The following ENPP1 variants were observed in gnomAD, a reference collection of about 807,000 sequenced individuals.
The protein encoded by ENPP1 is ectonucleotide pyrophosphatase/phosphodiesterase family member 1.
A neutral mutation model predicts 122.8 loss-of-function variants in ENPP1; 73 were observed. The ratio of observed to expected loss-of-function variants is 0.59; its 90% CI spans 0.49 to 0.72. The LOEUF is 0.72. Among genes scored for constraint, ENPP1 ranks in the 30% least tolerant of loss-of-function variants. ENPP1 has a pLI of 0.00. For missense variants in ENPP1, 978 were observed against 1,128.1 expected, an observed-to-expected ratio of 0.87 and a Z score of 1.91; for synonymous variants, 367 against 391.6, an observed-to-expected ratio of 0.94 and a Z score of 0.74.
Position 131,860,442 on chromosome 6 carries a change from T to A in ENPP1, c.851T>A (p.Met284Lys). 1.9e-6 allele frequency: 3 copies of A among 1,584,540 alleles called. No homozygotes were observed. Among genetic ancestry groups the A allele is most frequent in the Non-Finnish European group, 2.6e-6 (3 of 1,153,560 alleles). Reference sequence around the variant, plus strand: ...GACAATAAAATGTATGATCCCAAAATGAATGCTTCCTTTTCACTTAAAAGT... The same window carrying A: ...GACAATAAAATGTATGATCCCAAAAAGAATGCTTCCTTTTCACTTAAAAGT... ...IIDNKMYDPK[M>K]NASFSLKSKE... is the part of the protein sequence containing the mutation. The change falls in exon 8 of 25, where the codon ATG becomes AAG. Residue 284 changes from methionine to lysine, a missense_variant. By Grantham distance (95) the Met-to-Lys change is moderately conservative. This residue lies in a region of ENPP1 where 644 missense variants were observed against 781.5 expected (regional missense o/e 0.82). Coordinates refer to ENST00000647893, the MANE Select transcript of ENPP1 (RefSeq NM_006208.3).
At chr6:131,862,712 G>A (rs889447168) in intron 9 of ENPP1, among the ~76,000 whole-genome samples, 1 of 152,270 alleles carries the variant, frequency 6.6e-6, no homozygotes, top group South Asian at 2.1e-4. Flanking sequence ...TGCAGGGCAT[G>A]GTCTGGTAAA....
chr6:131,860,453 T>C lies in ENPP1; in HGVS notation c.862T>C (p.Phe288Leu). Residue 288 changes from phenylalanine (F) to leucine (L), a missense_variant, in exon 8 of 25, where the codon TTT becomes CTT. Phe to Leu is a conservative substitution (Grantham distance 22). Coordinates refer to ENST00000647893, the MANE Select transcript of ENPP1 (RefSeq NM_006208.3). ...KMYDPKMNAS[F>L]SLKSKEKFNP... ...GTATGATCCCAAAATGAATGCTTCC[T>C]TTTCACTTAAAAGTAAAGAGAAATT... The C allele has an allele frequency of 6.3e-7, 1 of 1,596,466 alleles. No individual in the cohort carries two copies. The highest frequency in any genetic ancestry group is 8.6e-7 in the Non-Finnish European group (1 of 1,164,548).
At chr6:131,873,315 G>A (rs1337284523) in intron 15 of ENPP1, among the ~76,000 whole-genome samples, 3 of 152,072 alleles carry the variant, frequency 2.0e-5, no homozygotes, top group Admixed American at 6.6e-5. Flanking sequence ...CTTCTGTAAT[G>A]TGACAACCAA....
intron 1 of ENPP1, among the ~76,000 whole-genome samples, chr6:131,814,182 A>G (rs889917139): frequency 1.1e-4 from 16 of 152,184 alleles, no homozygotes; most frequent in African/African-American, 3.4e-4. Flanking sequence ...CATAGAGGCT[A>G]ATGCCTGAAA....
chr6:131,817,851 A>G (rs111400344), intron 1 of ENPP1, among the ~76,000 whole-genome samples: 3,537 of 151,998 alleles, frequency 0.023, 70 homozygotes, highest in Admixed American at 0.046. Context: ...ATCATTTTGG[A>G]GGAAGTAAAT....
chr6:131,852,166 A>G lies in ENPP1; in HGVS notation c.557-9A>G. 6.4e-7 allele frequency: 1 copy of G among 1,574,044 alleles called. No individual in the cohort carries two copies. Among genetic ancestry groups the G allele is most frequent in the Non-Finnish European group, 8.7e-7 (1 of 1,145,850 alleles). ...GTGTGTTCATTTTATTTTCTTGAAA[A>G]TATTTTAGGTGAGAAAAGTTGGGTA... On this transcript the variant is annotated splice_polypyrimidine_tract_variant and intron_variant, in intron 4 of 24. Coordinates refer to ENST00000647893, the MANE Select transcript of ENPP1 (RefSeq NM_006208.3).
At chr6:131,856,260 T>A (rs903130904) in intron 6 of ENPP1, among the ~76,000 whole-genome samples, 17 of 152,208 alleles carry the variant, frequency 1.1e-4, no homozygotes, top group Admixed American at 9.8e-4. Flanking sequence ...CATTTTTTCA[T>A]GTGTTTTTTG....
chr6:131,819,513 C>T (rs1188128880), intron 1 of ENPP1, among the ~76,000 whole-genome samples: 1 of 152,170 alleles, frequency 6.6e-6, no homozygotes, highest in African/African-American at 2.4e-5. Flanking sequence ...AAGATGAGTT[C>T]ATTTTGCAAC....
chr6:131,829,797 C>T lies in ENPP1; in HGVS notation c.241-17979C>T, dbSNP rs368903452. Among the ~76,000 whole-genome samples the T allele has an allele frequency of 7.3e-4, 111 of 152,272 alleles. 3 individuals carry two copies. The South Asian group carries it at 0.021, about 29-fold the overall frequency. ...AACCAGAGCTTGGGAGCTAGGGCTTCGCTGTAGCAGCTGGGACCCTGGGCA... is the reference window on the plus strand; with the variant it reads ...AACCAGAGCTTGGGAGCTAGGGCTTTGCTGTAGCAGCTGGGACCCTGGGCA... On this transcript the variant is annotated intron_variant, in intron 1 of 24. Coordinates refer to ENST00000647893, the MANE Select transcript of ENPP1 (RefSeq NM_006208.3).
chr6:131,882,233 C>G, intron 20 of ENPP1, 112 bp from the exon 21 acceptor site: 1 of 860,500 alleles, frequency 1.2e-6, no homozygotes, highest in East Asian at 2.8e-5. Context: ...AGGACATGAG[C>G]TGACAGCTAG....
intron 1 of ENPP1, among the ~76,000 whole-genome samples, chr6:131,810,449 C>CA (rs34029172): frequency 9.8e-6 from 1 of 102,116 alleles, no homozygotes; most frequent in African/African-American, 4.3e-5. Context: ...CCCAACCCCG[C>CA]CCCCCCCCCA....
At chr6:131,849,715 C>T (rs879877142) in intron 2 of ENPP1, among the ~76,000 whole-genome samples, 1 of 152,118 alleles carries the variant, frequency 6.6e-6, no homozygotes, top group African/African-American at 2.4e-5. Context: ...TCTTATCAGA[C>T]CCAGTAACGT....
intron 1 of ENPP1, among the ~76,000 whole-genome samples, chr6:131,835,001 CTT>C (rs769778879): frequency 2.6e-5 from 4 of 152,282 alleles, no homozygotes; most frequent in South Asian, 2.1e-4. Flanking sequence ...TAGTCCAACT[CTT>C]TTTGTTTATT....
chr6:131,818,970 A>C (rs940499812), intron 1 of ENPP1, among the ~76,000 whole-genome samples: 1 of 152,244 alleles, frequency 6.6e-6, no homozygotes, highest in Admixed American at 6.5e-5. Flanking sequence ...TCAGCTGTCT[A>C]TGATAAAATC....
chr6:131,886,032 G>T (rs1782373105), intron 23 of ENPP1, among the ~76,000 whole-genome samples: 1 of 152,162 alleles, frequency 6.6e-6, no homozygotes, highest in Non-Finnish European at 1.5e-5. Flanking sequence ...TGACTATGAG[G>T]TAAAGATGTT....
chr6:131,855,552 C>T lies in ENPP1; in HGVS notation c.715+529C>T, dbSNP rs151080924. 5.9e-3 allele frequency among the ~76,000 whole-genome samples: 891 copies of T among 152,234 alleles called. 4 individuals carry two copies. The highest frequency in any genetic ancestry group is 0.02 in the African/African-American group (848 of 41,532). ...TGTTGCTCAGGCTGGTCTCTAACTC[C>T]TGGGCTCAAGCAATCCACCCACCTT... On this transcript the variant is annotated intron_variant, in intron 6 of 24. Coordinates refer to ENST00000647893, the MANE Select transcript of ENPP1 (RefSeq NM_006208.3).
intron 1 of ENPP1, chr6:131,819,828 G>A (rs1034961843): frequency 4.9e-6 from 2 of 407,594 alleles, no homozygotes; most frequent in African/African-American, 2.1e-5. Context: ...ACCAGCCATT[G>A]GAGGAGGACT....
intron 8 of ENPP1, 26 bp downstream of exon 8, chr6:131,860,532 A>T: frequency 2.6e-6 from 4 of 1,529,250 alleles, no homozygotes; most frequent in Non-Finnish European, 3.6e-6. Context: ...TTCTACTAAA[A>T]TAGTTAATTA....
chr6:131,878,736 T>C, intron 19 of ENPP1, 143 bp downstream of exon 19: 2 of 716,564 alleles, frequency 2.8e-6, no homozygotes, highest in Non-Finnish European at 5.0e-6. Flanking sequence ...TGATGAAACA[T>C]AGAGGTTTCT....
Sources: allele counts gnomAD v4.1 joint callset (sites outside exome capture counted in the v4.1 genomes callset), GRCh38; gene constraint gnomAD v4.1.1; regional missense constraint gnomAD v4.1.1; transcripts MANE v1.5; gene names NCBI Gene and HGNC (gene_info 2026-07-23, HGNC 2026-07-21).